Variants in TMOD1 observed in about 807,000 individuals in gnomAD.
The protein encoded by TMOD1 is tropomodulin 1.
A neutral mutation model predicts 40.6 loss-of-function variants in TMOD1; 17 were observed. That is an observed-to-expected ratio of 0.42 (90% CI 0.29 to 0.63). The LOEUF is 0.63. Among genes scored for constraint, TMOD1 ranks in the 20% least tolerant of loss-of-function variants. The pLI, the probability that TMOD1 is intolerant of heterozygous loss-of-function variation, is 0.22. For missense variants in TMOD1, 391 were observed against 447.6 expected (o/e 0.87, Z 1.14); for synonymous variants, 181 against 175.0 (o/e 1.03, Z -0.27).
At chr9:97,592,552 C>A (rs1003524624) in intron 9 of TMOD1, among the ~76,000 whole-genome samples, 4 of 152,168 alleles carry the variant, frequency 2.6e-5, no homozygotes, top group Non-Finnish European at 2.9e-5. Context: ...TGGTTTCCAA[C>A]CCTCGATAAA....
At chr9:97,567,372 A>G (rs2131268923) in intron 7 of TMOD1, among the ~76,000 whole-genome samples, 1 of 152,310 alleles carries the variant, frequency 6.6e-6, no homozygotes, top group East Asian at 1.9e-4. Flanking sequence ...TGCCCGTGTC[A>G]AACACTGAGA....
intron 2 of TMOD1, among the ~76,000 whole-genome samples, chr9:97,537,463 T>C (rs1429650302): frequency 6.6e-6 from 1 of 152,236 alleles, no homozygotes; most frequent in Admixed American, 6.5e-5. Context: ...ACTTGATATT[T>C]AGCTTTACTG....
At chr9:97,566,993 G>C (rs1270835707) in intron 7 of TMOD1, among the ~76,000 whole-genome samples, 3 of 152,238 alleles carry the variant, frequency 2.0e-5, no homozygotes, top group Non-Finnish European at 2.9e-5. Flanking sequence ...TGCAAAGCTA[G>C]ATTCCTGCAA....
chr9:97,558,389 G>A (rs1037841598), intron 4 of TMOD1, among the ~76,000 whole-genome samples: 1 of 152,144 alleles, frequency 6.6e-6, no homozygotes. Flanking sequence ...GAGCTTGCTG[G>A]AAAAGTTGGG....
At chr9:97,590,773 T>C (rs1825984628) in intron 8 of TMOD1, among the ~76,000 whole-genome samples, 1 of 152,104 alleles carries the variant, frequency 6.6e-6, no homozygotes, top group African/African-American at 2.4e-5. Context: ...GGAAAACCTT[T>C]TTTCCTTCTC....
rs34253873 is a variant in TMOD1 at position 97,580,943 on chromosome 9, C to CT, written c.871-10337dup. Among the ~76,000 whole-genome samples the CT allele has an allele frequency of 7.7e-4, 105 of 136,508 alleles. 3 individuals carry two copies. In the South Asian group the frequency reaches 0.019, roughly 25 times the overall value. 89.6% of individuals were successfully genotyped at this position (136,508 alleles called of 152,430 possible). A position where few individuals can be genotyped will look rare whatever the true frequency, so the allele number is the denominator to read the frequency against. On this transcript the variant is annotated intron_variant, in intron 8 of 9. Coordinates refer to ENST00000259365, the MANE Select transcript of TMOD1 (RefSeq NM_003275.4). ...ATATTATGTAACCATTTTGGACTGGCTTTTTTTTTTTCACTTGGCATAATT... is the reference window on the plus strand; with the variant it reads ...ATATTATGTAACCATTTTGGACTGGCTTTTTTTTTTTTCACTTGGCATAATT...
chr9:97,568,800 C>T, intron 7 of TMOD1, 94 bp from the exon 8 acceptor site: 1 of 1,445,276 alleles, frequency 6.9e-7, no homozygotes, highest in Non-Finnish European at 9.5e-7. Flanking sequence ...GATCATCCTC[C>T]TGTTCCCCTA....
chr9:97,537,765 A>C (rs1830207202), intron 2 of TMOD1, among the ~76,000 whole-genome samples: 1 of 152,252 alleles, frequency 6.6e-6, no homozygotes. Flanking sequence ...AAAAATTCTA[A>C]ATTTAAAACC....
At chr9:97,575,893 C>G (rs1375684243) in intron 8 of TMOD1, among the ~76,000 whole-genome samples, 1 of 152,178 alleles carries the variant, frequency 6.6e-6, no homozygotes, top group Admixed American at 6.5e-5. Context: ...AAGGGCATGC[C>G]GACTTTTACA....
intron 2 of TMOD1, among the ~76,000 whole-genome samples, chr9:97,525,283 A>G (rs1168734214): frequency 1.3e-5 from 2 of 152,220 alleles, no homozygotes; most frequent in South Asian, 2.1e-4. Context: ...CCAATACACC[A>G]ATAACAGTAA....
intron 4 of TMOD1, among the ~76,000 whole-genome samples, chr9:97,558,407 G>A (rs529672847): frequency 2.0e-5 from 3 of 151,764 alleles, no homozygotes; most frequent in Admixed American, 1.3e-4. Context: ...GGGGGTGGGG[G>A]GTCTACCACA....
At chr9:97,576,368 C>T (rs547653169) in intron 8 of TMOD1, among the ~76,000 whole-genome samples, 163 of 152,180 alleles carry the variant, frequency 1.1e-3, no homozygotes, top group African/African-American at 3.8e-3. Context: ...CACTTGAGCC[C>T]AGGAGTCAGA....
At position 97,557,109 on chromosome 9, in the gene TMOD1, G is replaced by A. The variant is rs953084721; in HGVS notation, c.397+3709G>A. Reference sequence around the variant, plus strand: ...CAGGAGCCAGTCCTTGCCTTTGGGAGGCCCAGGAGGTGATGAGGAGGACAG... The same window carrying A: ...CAGGAGCCAGTCCTTGCCTTTGGGAAGCCCAGGAGGTGATGAGGAGGACAG... On this transcript the variant is annotated intron_variant, in intron 4 of 9. Transcript: ENST00000259365. The surrounding 1 kb of genome is among the most constrained non-coding windows in gnomAD (Gnocchi z 4.4). Among the ~76,000 whole-genome samples the A allele has an allele frequency of 5.9e-5, 9 of 152,288 alleles. No homozygotes were observed. Among genetic ancestry groups the A allele is most frequent in the African/African-American group, 2.2e-4 (9 of 41,550 alleles).
At chr9:97,512,688 T>A (rs928091383) in intron 1 of TMOD1, 2 of 150,046 alleles carry the variant, frequency 1.3e-5, no homozygotes, top group Non-Finnish European at 1.5e-5. Context: ...ATCCACTATA[T>A]GTTTCCATAC....
At chr9:97,523,008 C>T (rs1829940956) in intron 1 of TMOD1, among the ~76,000 whole-genome samples, 1 of 152,166 alleles carries the variant, frequency 6.6e-6, no homozygotes, top group African/African-American at 2.4e-5. Context: ...GAGTAGAGAG[C>T]ACCCTCGGAC....
intron 1 of TMOD1, among the ~76,000 whole-genome samples, chr9:97,523,597 GT>G (rs1177167757): frequency 6.6e-6 from 1 of 152,194 alleles, no homozygotes; most frequent in East Asian, 1.9e-4. Context: ...GAAAGTCCTT[GT>G]GAAGTACTGA....
At chr9:97,559,811 A>ATGTCTATCTATCTATC (rs1830604567) in intron 4 of TMOD1, among the ~76,000 whole-genome samples, 1 of 42,168 alleles carries the variant, frequency 2.4e-5, no homozygotes, top group African/African-American at 9.1e-5. Context: ...ATATATATAT[A>ATGTCTATCTATCTATC]TATATATATA....
intron 3 of TMOD1, among the ~76,000 whole-genome samples, chr9:97,548,360 C>T (rs1272505109): frequency 2.0e-5 from 3 of 152,128 alleles, no homozygotes; most frequent in African/African-American, 4.8e-5. Flanking sequence ...CCAGGTTTCA[C>T]TGAAAACTGG....
intron 8 of TMOD1, among the ~76,000 whole-genome samples, chr9:97,577,858 A>C (rs1374263329): frequency 1.3e-5 from 2 of 152,240 alleles, no homozygotes; most frequent in East Asian, 1.9e-4. Flanking sequence ...TGATAGGAAA[A>C]AATGAATTAG....
Sources: allele counts gnomAD v4.1 joint callset (sites outside exome capture counted in the v4.1 genomes callset), GRCh38; gene constraint gnomAD v4.1.1; non-coding constraint Gnocchi (gnomAD v3.1); transcripts MANE v1.5; gene names NCBI Gene and HGNC (gene_info 2026-07-23, HGNC 2026-07-21).